Variants in RBPJ observed in about 807,000 individuals in gnomAD.
RBPJ encodes the protein recombination signal binding protein for immunoglobulin kappa J region, also known as recombining binding protein suppressor of hairless.
Under a neutral mutation model 67.8 loss-of-function variants are expected in RBPJ, and 9 were observed. The ratio of observed to expected loss-of-function variants is 0.13; its 90% CI spans 0.08 to 0.23. The LOEUF is 0.23. Among genes scored for constraint, RBPJ ranks in the 10% least tolerant of loss-of-function variants. The pLI is 1.00. For missense variants in RBPJ, 305 were observed against 595.6 expected (o/e 0.51, Z 5.08); for synonymous variants, 198 against 203.3 (o/e 0.97, Z 0.22).
chr4:26,301,651 G>A (rs1269964145), intron 1 of RBPJ, among the ~76,000 whole-genome samples: 1 of 151,618 alleles, frequency 6.6e-6, no homozygotes, highest in Non-Finnish European at 1.5e-5. Flanking sequence ...AATACATGCA[G>A]TATTGCCCAT....
chr4:26,421,705 C>T (rs1481471756), intron 5 of RBPJ, among the ~76,000 whole-genome samples: 2 of 152,144 alleles, frequency 1.3e-5, no homozygotes, highest in Non-Finnish European at 2.9e-5. Context: ...ACCTCTTCGT[C>T]TTCTAATTGC....
upstream of RBPJ, among the ~76,000 whole-genome samples, chr4:26,315,167 A>AAAAAAATAT (rs1325689348): frequency 1.8e-3 from 131 of 74,696 alleles, no homozygotes; most frequent in Non-Finnish European, 2.0e-3. Context: ...AAAAAAAAAA[A>AAAAAAATAT]ATATATATAT....
intron 1 of RBPJ, among the ~76,000 whole-genome samples, chr4:26,290,625 A>T (rs1253681515): frequency 2.0e-5 from 3 of 150,996 alleles, no homozygotes; most frequent in Non-Finnish European, 4.4e-5. Context: ...TGAAGAAAAA[A>T]GAAAAGTTAA....
At chr4:26,197,127 A>G (rs939597764) in intron 1 of RBPJ, among the ~76,000 whole-genome samples, 5 of 152,170 alleles carry the variant, frequency 3.3e-5, no homozygotes, top group African/African-American at 7.2e-5. Flanking sequence ...TATAATGTTC[A>G]TTATAATGGA....
At chr4:26,191,210 T>TATATATAG (rs1364457297) in intron 1 of RBPJ, among the ~76,000 whole-genome samples, 5 of 26,838 alleles carry the variant, frequency 1.9e-4, no homozygotes, top group Admixed American at 1.9e-3. Context: ...TATATATATA[T>TATATATAG]AGAGAGAGAG....
chr4:26,252,475 T>TA (rs112378360), intron 1 of RBPJ, among the ~76,000 whole-genome samples: 9,406 of 151,884 alleles, frequency 0.062, 857 homozygotes, highest in African/African-American at 0.2. Context: ...TGGTCACAGC[T>TA]CTCAGAAGGC....
chr4:26,388,079 A>G (rs1201991708), intron 2 of RBPJ, among the ~76,000 whole-genome samples: 1 of 152,252 alleles, frequency 6.6e-6, no homozygotes, highest in African/African-American at 2.4e-5. Context: ...AATATCCATA[A>G]CAAGAAAAAT....
chr4:26,324,805 AG>A lies in RBPJ; in HGVS notation c.20+3761del, dbSNP rs1467242955. Among the ~76,000 whole-genome samples the A allele has an allele frequency of 2.6e-5, 4 of 152,342 alleles. No individual in the cohort carries two copies. The East Asian group carries it at 7.7e-4, about 29-fold the overall frequency. On this transcript the variant is annotated intron_variant, in intron 1 of 10. Coordinates refer to ENST00000355476, the MANE Select transcript of RBPJ (RefSeq NM_015874.6). Reference sequence around the variant, plus strand: ...TGGCCTCCCAAAGTACTGGGATTACAGGGGTGAGCCACCATGCCTGGCCTGC... The same window carrying A: ...TGGCCTCCCAAAGTACTGGGATTACAGGGTGAGCCACCATGCCTGGCCTGC...
intron 1 of RBPJ, among the ~76,000 whole-genome samples, chr4:26,378,919 G>T (rs985557242): frequency 3.9e-5 from 6 of 151,998 alleles, no homozygotes; most frequent in Non-Finnish European, 8.8e-5. Context: ...CCAGCTACTC[G>T]AGAGGCTGAG....
chr4:26,209,308 A>G (rs1322594793), intron 1 of RBPJ, among the ~76,000 whole-genome samples: 1 of 152,002 alleles, frequency 6.6e-6, no homozygotes, highest in Non-Finnish European at 1.5e-5. Context: ...TTTCTTTCTC[A>G]ATAAAGGCTT....
intron 1 of RBPJ, among the ~76,000 whole-genome samples, chr4:26,298,853 T>C (rs1477798890): frequency 6.6e-6 from 1 of 152,162 alleles, no homozygotes; most frequent in African/African-American, 2.4e-5. Flanking sequence ...GTTATCAACG[T>C]ACAAAATAAT....
Position 26,374,466 on chromosome 4 carries a change from C to T in RBPJ, c.21-11887C>T, listed in dbSNP as rs142256070. Among the ~76,000 whole-genome samples the T allele has an allele frequency of 4.6e-3, 646 of 141,486 alleles. 3 individuals are homozygous for T. Among genetic ancestry groups the T allele is most frequent in the Non-Finnish European group, 7.0e-3 (456 of 64,956 alleles). The allele number at this position is 141,486 out of a possible 152,430, so 92.8% of individuals were successfully genotyped here. A position where few individuals can be genotyped will look rare whatever the true frequency, so the allele number is the denominator to read the frequency against. On this transcript the variant is annotated intron_variant, in intron 1 of 10. Transcript: ENST00000355476. ...CAATTCTGTCATAAAAATTCATATCCGGTCACCCTTTTCTTTTTTTTTTTT... is the reference window on the plus strand; with the variant it reads ...CAATTCTGTCATAAAAATTCATATCTGGTCACCCTTTTCTTTTTTTTTTTT...
At chr4:26,176,841 C>T (rs1381651886) in intron 1 of RBPJ, among the ~76,000 whole-genome samples, 1 of 152,262 alleles carries the variant, frequency 6.6e-6, no homozygotes, top group African/African-American at 2.4e-5. Flanking sequence ...CGTGTGCAGC[C>T]CAGTTGCCTT....
At chr4:26,403,303 T>G (rs923585967) in intron 2 of RBPJ, among the ~76,000 whole-genome samples, 3 of 152,114 alleles carry the variant, frequency 2.0e-5, no homozygotes, top group Non-Finnish European at 4.4e-5. Flanking sequence ...CCACTTTTTT[T>G]ATACTTAAAG....
chr4:26,254,428 C>T (rs919358880), intron 1 of RBPJ, among the ~76,000 whole-genome samples: 1 of 148,600 alleles, frequency 6.7e-6, no homozygotes, highest in Non-Finnish European at 1.5e-5. Flanking sequence ...GGTCTCAGGG[C>T]TTGCCATGTC....
At chr4:26,215,220 A>G (rs1718651972) in intron 1 of RBPJ, among the ~76,000 whole-genome samples, 1 of 12,936 alleles carries the variant, frequency 7.7e-5, no homozygotes, top group African/African-American at 4.2e-4. Flanking sequence ...GAAAGAGAAA[A>G]AGAGAGAAAA....
chr4:26,106,212 C>T, the RBPJ span, among the ~76,000 whole-genome samples: 1 of 152,216 alleles, frequency 6.6e-6, no homozygotes, highest in Non-Finnish European at 1.5e-5. Flanking sequence ...TCTGCCTGTA[C>T]AGCAGAGGGT....
chr4:26,144,267 CT>C, the RBPJ span, among the ~76,000 whole-genome samples: 7 of 106,066 alleles, frequency 6.6e-5, no homozygotes, highest in Admixed American at 2.5e-4. Context: ...TAAGAAAATT[CT>C]TTTTTTTTTT....
In RBPJ at chr4:26,380,886, A is replaced by G. The variant is rs113648082; in HGVS notation, c.21-5467A>G. On this transcript the variant is annotated intron_variant, in intron 1 of 10. Coordinates refer to ENST00000355476, the MANE Select transcript of RBPJ (RefSeq NM_015874.6). Reference sequence around the variant, plus strand: ...AGATTTGTGAAATAGAGAAAAATAAATTACTTCTAGTTTCACAACCCAAGG... The same window carrying G: ...AGATTTGTGAAATAGAGAAAAATAAGTTACTTCTAGTTTCACAACCCAAGG... Among the ~76,000 whole-genome samples, 224 of 151,716 alleles carry G rather than the reference A, an allele frequency of 1.5e-3. 1 individual carries two copies. Among genetic ancestry groups the G allele is most frequent in the African/African-American group, 5.1e-3 (209 of 41,380 alleles).
Sources: gnomAD v4.1 joint callset for allele counts (sites outside exome capture counted in the v4.1 genomes callset) on GRCh38, gnomAD v4.1.1 for gene constraint, MANE v1.5 for transcripts, NCBI Gene and HGNC (gene_info 2026-07-23, HGNC 2026-07-21) for gene names.